ADAM12: variants seen among roughly 807,000 people sequenced by gnomAD.
ADAM12 encodes the protein ADAM metallopeptidase domain 12, also known as disintegrin and metalloproteinase domain-containing protein 12.
Under a neutral mutation model 106.4 loss-of-function variants are expected in ADAM12, and 70 were observed. The ratio of observed to expected loss-of-function variants is 0.66; its 90% CI spans 0.54 to 0.80. The LOEUF (loss-of-function observed/expected upper bound fraction) is 0.80. Ranked by LOEUF, ADAM12 falls within the 30% of genes least tolerant of loss-of-function variation. The probability of loss-of-function intolerance (pLI) is 0.00; values close to 1 mark genes in which losing one functional copy is unlikely to be tolerated. For missense variants in ADAM12, 1,010 were observed against 1,171.9 expected (o/e 0.86, Z 2.02); for synonymous variants, 420 against 433.5 (o/e 0.97, Z 0.39).
At chr10:126,260,454 G>A (rs1015308709) in intron 3 of ADAM12, among the ~76,000 whole-genome samples, 1 of 152,186 alleles carries the variant, frequency 6.6e-6, no homozygotes, top group Non-Finnish European at 1.5e-5. Flanking sequence ...AGGAACCAAT[G>A]GGCTGCTCTT....
At chr10:126,285,022 G>A (rs1161996283) in intron 2 of ADAM12, among the ~76,000 whole-genome samples, 1 of 152,248 alleles carries the variant, frequency 6.6e-6, no homozygotes, top group Non-Finnish European at 1.5e-5. Context: ...CAGGCCAAGA[G>A]TGGCCGAAGG....
chr10:126,022,212 TTTAA>T (rs1246270569), intron 21 of ADAM12, among the ~76,000 whole-genome samples: 2 of 152,172 alleles, frequency 1.3e-5, no homozygotes, highest in Non-Finnish European at 2.9e-5. Context: ...TATCGTCCTG[TTTAA>T]TTATTAATCA....
chr10:126,255,530 T>C (rs1412418880), intron 3 of ADAM12, among the ~76,000 whole-genome samples: 1 of 152,196 alleles, frequency 6.6e-6, no homozygotes, highest in East Asian at 1.9e-4. Flanking sequence ...GGCCATACTA[T>C]TAAATTTTGT....
chr10:126,036,389 G>GA, intron 20 of ADAM12, 64 bp from the exon 21 acceptor site: 1 of 1,515,190 alleles, frequency 6.6e-7, no homozygotes. Flanking sequence ...ACTCCTTAAG[G>GA]AAAAAGCAGT....
intron 3 of ADAM12, among the ~76,000 whole-genome samples, chr10:126,205,242 T>A (rs1957774600): frequency 6.6e-6 from 1 of 152,068 alleles, no homozygotes; most frequent in Non-Finnish European, 1.5e-5. Flanking sequence ...GCTTCCCAGT[T>A]ATGTGGCACA....
chr10:126,149,010 G>C (rs1007056236), intron 4 of ADAM12, among the ~76,000 whole-genome samples: 4 of 152,196 alleles, frequency 2.6e-5, no homozygotes, highest in African/African-American at 9.7e-5. Context: ...CCACTCCCCA[G>C]TTAGCAGGGA....
rs202152503 is a variant in ADAM12 at position 126,219,462 on chromosome 10, TTTTTC to T, written c.260+59448_260+59452del. On this transcript the variant is annotated intron_variant, in intron 3 of 22. Transcript: ENST00000448723. ...ATGTGCGACACAGACATCAGTGGTC[TTTTTC>T]TTTTAAGATTGGCAGAGCTATAAAA... 6.9e-3 allele frequency among the ~76,000 whole-genome samples: 1,057 copies of T among 152,290 alleles called. 39 individuals are homozygous for T. Among genetic ancestry groups the T allele is most frequent in the Admixed American group, 0.062 (954 of 15,286 alleles).
In ADAM12 at chr10:126,049,397, A is replaced by G. The variant is rs745718042; in HGVS notation, c.1773T>C (p.Ile591=). Residue 591 remains isoleucine, a synonymous_variant, in exon 16 of 23, where the codon ATT becomes ATC. Transcript: ENST00000448723. The surrounding 1 kb of genome is among the most constrained non-coding windows in gnomAD (Gnocchi z 4.4). ...TTTCTATGGAAACGGCATTGGTACCAATGACTGGCCGGCTGGCACCTCCTT... is the reference window on the plus strand; with the variant it reads ...TTTCTATGGAAACGGCATTGGTACCGATGACTGGCCGGCTGGCACCTCCTT... ...QCQGGASRPV[I]GTNAVSIETN... 2.5e-6 allele frequency: 4 copies of G among 1,614,218 alleles called. No individual in the cohort carries two copies. In the Admixed American group the frequency reaches 6.7e-5, roughly 27 times the overall value.
At chr10:126,385,628 T>C (rs1856635573) in intron 1 of ADAM12, among the ~76,000 whole-genome samples, 1 of 152,036 alleles carries the variant, frequency 6.6e-6, no homozygotes, top group African/African-American at 2.4e-5. Context: ...CAGTGAAAAG[T>C]ATTTGCAAAG....
intron 5 of ADAM12, among the ~76,000 whole-genome samples, chr10:126,133,365 A>C (rs1448777579): frequency 6.6e-6 from 1 of 152,052 alleles, no homozygotes; most frequent in East Asian, 1.9e-4. Context: ...CTCACACCCC[A>C]CGCTTCCTCA....
chr10:126,068,068 T>G (rs951493736), intron 12 of ADAM12, among the ~76,000 whole-genome samples: 1 of 152,190 alleles, frequency 6.6e-6, no homozygotes, highest in Non-Finnish European at 1.5e-5. Context: ...GAGGACTTTA[T>G]AAACATCCAG....
At position 126,303,425 on chromosome 10, in the gene ADAM12, T is replaced by C. The variant is rs185762080; in HGVS notation, c.187-24437A>G. ...AGTTAAATCGCTGTAGAAATCCTAT[T>C]AGAAAGAGTAATGTAATAGCCTGTA... On this transcript the variant is annotated intron_variant, in intron 2 of 22. Coordinates refer to ENST00000448723, the MANE Select transcript of ADAM12 (RefSeq NM_001288973.2). Among the ~76,000 whole-genome samples the C allele has an allele frequency of 2.4e-3, 358 of 152,328 alleles. 1 individual carries two copies. The highest frequency in any genetic ancestry group is 8.1e-3 in the African/African-American group (336 of 41,564).
chr10:126,361,766 C>T (rs1013917373), intron 1 of ADAM12, among the ~76,000 whole-genome samples: 1 of 152,020 alleles, frequency 6.6e-6, no homozygotes, highest in Non-Finnish European at 1.5e-5. Context: ...ACTTATCTCA[C>T]ACTATATACA....
At chr10:126,289,702 A>G (rs1160395698) in intron 2 of ADAM12, among the ~76,000 whole-genome samples, 2 of 152,150 alleles carry the variant, frequency 1.3e-5, no homozygotes, top group Non-Finnish European at 2.9e-5. Context: ...ACAAAGAACT[A>G]TTTCATTTTG....
At chr10:126,045,707 C>T (rs115452870) in intron 17 of ADAM12, among the ~76,000 whole-genome samples, 3,685 of 152,282 alleles carry the variant, frequency 0.024, 131 homozygotes, top group African/African-American at 0.083. Context: ...TCAGTTCAGA[C>T]ACTGGTTCTG....
chr10:126,059,777 T>C (rs1012556606), intron 14 of ADAM12, among the ~76,000 whole-genome samples: 2 of 152,248 alleles, frequency 1.3e-5, no homozygotes, highest in Non-Finnish European at 2.9e-5. Flanking sequence ...TATAGATGTG[T>C]AGTTATCTGT....
At chr10:126,334,359 T>C (rs914990005) in intron 1 of ADAM12, among the ~76,000 whole-genome samples, 21 of 152,236 alleles carry the variant, frequency 1.4e-4, no homozygotes, top group African/African-American at 4.8e-4. Context: ...TAGATTATAC[T>C]GGGCAGGAAG....
intron 3 of ADAM12, among the ~76,000 whole-genome samples, chr10:126,258,641 C>A (rs531654811): frequency 2.6e-5 from 4 of 152,164 alleles, no homozygotes; most frequent in Non-Finnish European, 4.4e-5. Context: ...TCTCTCAGCC[C>A]ATGCCCTGGC....
At chr10:126,079,173 A>C (rs1955161854) in intron 11 of ADAM12, among the ~76,000 whole-genome samples, 1 of 152,244 alleles carries the variant, frequency 6.6e-6, no homozygotes, top group African/African-American at 2.4e-5. Flanking sequence ...TGTTGAATTT[A>C]CACAACATAA....
Sources: gnomAD v4.1 joint callset for allele counts (sites outside exome capture counted in the v4.1 genomes callset) on GRCh38, gnomAD v4.1.1 for gene constraint, Gnocchi (gnomAD v3.1) non-coding constraint, MANE v1.5 for transcripts, NCBI Gene and HGNC (gene_info 2026-07-23, HGNC 2026-07-21) for gene names.